The following PDE4B variants were observed in gnomAD, a reference collection of about 807,000 sequenced individuals.
PDE4B encodes phosphodiesterase 4B, also known as 3',5'-cyclic-AMP phosphodiesterase 4B.
In PDE4B, 20 loss-of-function variants were observed where a neutral mutation model predicts 82.2. The observed-to-expected ratio is 0.24, with a 90% confidence interval of 0.17 to 0.35. The LOEUF is 0.35. Among genes scored for constraint, PDE4B ranks in the 10% least tolerant of loss-of-function variants. The pLI, the probability that PDE4B is intolerant of heterozygous loss-of-function variation, is 1.00. For missense variants in PDE4B, 655 were observed against 907.2 expected (o/e 0.72, Z 3.57); for synonymous variants, 320 against 318.9 (o/e 1.00, Z -0.04).
intron 7 of PDE4B, among the ~76,000 whole-genome samples, chr1:66,295,177 T>C (rs1657411521): frequency 6.6e-6 from 1 of 152,082 alleles, no homozygotes; most frequent in African/African-American, 2.4e-5. Flanking sequence ...CTTTTCTTTA[T>C]CTCCCAGCAG....
intron 3 of PDE4B, among the ~76,000 whole-genome samples, chr1:65,991,003 A>T (rs1651211551): frequency 6.6e-6 from 1 of 152,048 alleles, no homozygotes; most frequent in South Asian, 2.1e-4. Flanking sequence ...TTGCTCCTAC[A>T]TGTAGGAGTT....
At chr1:66,318,211 T>C (rs1659157314) in intron 7 of PDE4B, among the ~76,000 whole-genome samples, 1 of 152,186 alleles carries the variant, frequency 6.6e-6, no homozygotes. Context: ...AATATATACT[T>C]AGTGTTGTAA....
intron 3 of PDE4B, among the ~76,000 whole-genome samples, chr1:66,115,290 G>A (rs935231526): frequency 8.5e-5 from 13 of 152,112 alleles, no homozygotes; most frequent in African/African-American, 3.1e-4. Flanking sequence ...CCGTTTTCAC[G>A]ACAGATAAAT....
intron 3 of PDE4B, among the ~76,000 whole-genome samples, chr1:66,021,934 C>T (rs942071816): frequency 2.0e-5 from 3 of 152,202 alleles, no homozygotes; most frequent in African/African-American, 4.8e-5. Context: ...TTGATACTTC[C>T]TATCCATGAG....
intron 3 of PDE4B, among the ~76,000 whole-genome samples, chr1:66,115,957 T>C (rs1416578369): frequency 2.0e-5 from 3 of 152,196 alleles, no homozygotes; most frequent in African/African-American, 7.2e-5. Flanking sequence ...TATCTTACAG[T>C]TTTAGCATTG....
At chr1:66,022,957 G>A (rs1294155182) in intron 3 of PDE4B, among the ~76,000 whole-genome samples, 4 of 151,958 alleles carry the variant, frequency 2.6e-5, no homozygotes, top group South Asian at 4.2e-4. Context: ...TTTCTTGGTA[G>A]GCTATTAATT....
intron 8 of PDE4B, among the ~76,000 whole-genome samples, chr1:66,341,929 C>T (rs1661015555): frequency 6.6e-6 from 1 of 152,144 alleles, no homozygotes. Flanking sequence ...TACCAAGATC[C>T]TAGTGGAGTT....
At chr1:66,095,552 A>T (rs1307913887) in intron 3 of PDE4B, among the ~76,000 whole-genome samples, 2 of 151,926 alleles carry the variant, frequency 1.3e-5, no homozygotes, top group African/African-American at 4.8e-5. Flanking sequence ...TCACAGAAAA[A>T]TAACCTGCCA....
At chr1:65,981,769 CA>C (rs1401517402) in intron 3 of PDE4B, among the ~76,000 whole-genome samples, 4 of 152,066 alleles carry the variant, frequency 2.6e-5, no homozygotes, top group African/African-American at 7.2e-5. Flanking sequence ...TTAACTAGTA[CA>C]TAGCAAACTC....
chr1:66,090,346 T>C (rs1040801086), intron 3 of PDE4B, among the ~76,000 whole-genome samples: 1 of 151,842 alleles, frequency 6.6e-6, no homozygotes, highest in African/African-American at 2.4e-5. Context: ...TAAATAGGTT[T>C]AGATAGATTT....
intron 3 of PDE4B, among the ~76,000 whole-genome samples, chr1:65,964,254 A>G (rs1273305024): frequency 1.3e-5 from 2 of 152,154 alleles, no homozygotes; most frequent in African/African-American, 2.4e-5. Flanking sequence ...AAAGTTGTTT[A>G]TTTACAAAAG....
chr1:66,076,974 C>T (rs1656468067), intron 3 of PDE4B, among the ~76,000 whole-genome samples: 1 of 151,420 alleles, frequency 6.6e-6, no homozygotes, highest in South Asian at 2.1e-4. Context: ...TGTCTGTTGA[C>T]TCCCTTGTTA....
chr1:66,356,850 G>C lies in PDE4B; in HGVS notation c.841+1230G>C, dbSNP rs569296270. ...TGTCTGCAGCACTTGATTTTCTCCA[G>C]CTGCAGTTGCAACGCCTTTGTCAGA... On this transcript the variant is annotated intron_variant, in intron 9 of 16. Coordinates refer to ENST00000341517, the MANE Select transcript of PDE4B (RefSeq NM_002600.4). Among the ~76,000 whole-genome samples, 25 of 152,278 alleles carry C rather than the reference G, an allele frequency of 1.6e-4. 3 individuals carry two copies. The highest frequency in any genetic ancestry group is 3.6e-4 in the African/African-American group (15 of 41,542).
intron 3 of PDE4B, among the ~76,000 whole-genome samples, chr1:66,006,020 A>G (rs552732078): frequency 6.6e-6 from 1 of 152,340 alleles, no homozygotes; most frequent in Non-Finnish European, 1.5e-5. Flanking sequence ...GCAAAATAAC[A>G]TGGCAGAAGC....
At chr1:65,986,822 A>G (rs1013238897) in intron 3 of PDE4B, among the ~76,000 whole-genome samples, 22 of 152,188 alleles carry the variant, frequency 1.4e-4, no homozygotes, top group Admixed American at 1.4e-3. Context: ...GCTGACAAGT[A>G]CTATGGAGAA....
intron 3 of PDE4B, among the ~76,000 whole-genome samples, chr1:66,024,466 A>C (rs1325946879): frequency 1.3e-5 from 2 of 152,134 alleles, no homozygotes; most frequent in Admixed American, 6.6e-5. Flanking sequence ...GTTGACCAAC[A>C]CTTAGAAAGG....
chr1:65,947,382 A>G (rs1269887419), intron 3 of PDE4B, among the ~76,000 whole-genome samples: 3 of 152,024 alleles, frequency 2.0e-5, no homozygotes, highest in African/African-American at 4.8e-5. Flanking sequence ...CGGCTCGTGT[A>G]TTAAATAGGA....
At chr1:65,966,075 G>C (rs1649809943) in intron 3 of PDE4B, among the ~76,000 whole-genome samples, 1 of 152,046 alleles carries the variant, frequency 6.6e-6, no homozygotes, top group African/African-American at 2.4e-5. Context: ...AAGAAATAAA[G>C]GGTATTCAAA....
At chr1:66,089,661 T>C (rs1046185838) in intron 3 of PDE4B, among the ~76,000 whole-genome samples, 3 of 152,090 alleles carry the variant, frequency 2.0e-5, no homozygotes, top group Non-Finnish European at 4.4e-5. Context: ...GCATAAGATA[T>C]AATCACATCA....
Sources: gnomAD v4.1 joint callset for allele counts (sites outside exome capture counted in the v4.1 genomes callset) on GRCh38, gnomAD v4.1.1 for gene constraint, MANE v1.5 for transcripts, NCBI Gene and HGNC (gene_info 2026-07-23, HGNC 2026-07-21) for gene names.